Variants in TAFA3 observed in about 807,000 individuals in gnomAD.
The protein encoded by TAFA3 is TAFA chemokine like family member 3.
Under a neutral mutation model 20.7 loss-of-function variants are expected in TAFA3, and 17 were observed. The ratio of observed to expected loss-of-function variants is 0.82; its 90% CI spans 0.56 to 1.23. The LOEUF (loss-of-function observed/expected upper bound fraction) is 1.23. TAFA3 is among the 50% of genes most tolerant of loss of function. The pLI is 0.00. For synonymous variants in TAFA3, 74 were observed against 71.8 expected (o/e 1.03, Z -0.16); for missense variants, 174 against 172.8 (o/e 1.01, Z -0.04).
rs569508323 is a variant in TAFA3 at position 112,725,965 on chromosome 1, C to T, written c.391-664C>T. On this transcript the variant is annotated intron_variant, in intron 5 of 5. Coordinates refer to ENST00000361886, the MANE Select transcript of TAFA3 (RefSeq NM_182759.3). ...CAACCTGGTCAACATGGTGAAAACC[C>T]GTCTCTACTAAAAATACAAAAATTA... Among the ~76,000 whole-genome samples, 5 of 152,144 alleles carry T rather than the reference C, an allele frequency of 3.3e-5. No individual in the cohort carries two copies. In the East Asian group the frequency reaches 5.8e-4, roughly 18 times the overall value.
At chr1:112,726,322 G>A (rs1022263737) in intron 5 of TAFA3, among the ~76,000 whole-genome samples, 1 of 152,176 alleles carries the variant, frequency 6.6e-6, no homozygotes, top group African/African-American at 2.4e-5. Flanking sequence ...GTATATTTAA[G>A]ATCAGAAGAG....
rs752295509 is a variant in TAFA3 at position 112,719,199 on chromosome 1, C to T, written c.-160C>T. ...GACTAGACAGCACCCAAGCTGGCCG[C>T]TCCCTCCCAAAGTCTGTCTTTCGGA... On this transcript the variant is annotated 5_prime_UTR_variant, in exon 1 of 6. Transcript: ENST00000361886. Among the ~76,000 whole-genome samples, 23 of 152,256 alleles carry T rather than the reference C, an allele frequency of 1.5e-4. No homozygotes were observed. Among genetic ancestry groups the T allele is most frequent in the Non-Finnish European group, 3.1e-4 (21 of 68,044 alleles).
At position 112,724,125 on chromosome 1, in the gene TAFA3, C is replaced by G; in HGVS notation, c.378C>G (p.Val126=). 1.2e-6 allele frequency: 2 copies of G among 1,604,796 alleles called. No homozygotes were observed. The highest frequency in any genetic ancestry group is 1.7e-6 in the Non-Finnish European group (2 of 1,174,922). The change falls in exon 5 of 6, where the codon GTC becomes GTG. Residue 126 remains valine (V), a synonymous_variant. Transcript: ENST00000361886. The part of the protein sequence containing the change: ...SGWSCSSGHK[V]KTTKVTR ...GGAGCTGCAGCAGTGGACACAAAGTCAAAACCACCAAGGTACCCTGGGTGG... is the reference window on the plus strand; with the variant it reads ...GGAGCTGCAGCAGTGGACACAAAGTGAAAACCACCAAGGTACCCTGGGTGG...
chr1:112,724,672 ATAC>A (rs1433491211), intron 5 of TAFA3, among the ~76,000 whole-genome samples: 1 of 148,038 alleles, frequency 6.8e-6, no homozygotes, highest in African/African-American at 2.5e-5. Flanking sequence ...ATTGGGAGAT[ATAC>A]CTAATGCTAG....
At position 112,722,999 on chromosome 1, in the gene TAFA3, T is replaced by C; in HGVS notation, c.116-17T>C. 3 of 1,601,306 alleles carry C rather than the reference T, an allele frequency of 1.9e-6. No homozygotes were observed. Among genetic ancestry groups the C allele is most frequent in the Non-Finnish European group, 2.6e-6 (3 of 1,173,634 alleles). ...GTCGGGCGTGTTGGGCGTCTGATCC[T>C]GGGCGGCTCCCCTCAGTGCTTGTGC... On this transcript the variant is annotated splice_polypyrimidine_tract_variant and intron_variant, in intron 3 of 5. Transcript: ENST00000361886.
chr1:112,723,695 C>T (rs1304981850), intron 4 of TAFA3, among the ~76,000 whole-genome samples: 2 of 152,176 alleles, frequency 1.3e-5, no homozygotes, highest in African/African-American at 4.8e-5. Flanking sequence ...CCCTTGCTCA[C>T]ACACCACAGA....
intron 5 of TAFA3, among the ~76,000 whole-genome samples, chr1:112,725,526 C>T (rs1383700492): frequency 6.6e-6 from 1 of 150,964 alleles, no homozygotes; most frequent in East Asian, 1.9e-4. Flanking sequence ...GTGACCATCC[C>T]CCACCCCCAC....
rs1198472057 is a variant in TAFA3 at position 112,723,119 on chromosome 1, T to C, written c.219T>C (p.Ser73=). ...RSQTVKCSCF[S]GQVAGTTRAK... ...AGACGGTGAAATGCTCCTGTTTTTC[T>C]GGCCAGGTGGCCGGCACCACGCGGG... Residue 73 remains serine, a synonymous_variant, in exon 4 of 6, where the codon TCT becomes TCC. Transcript: ENST00000361886. 6.2e-7 allele frequency: 1 copy of C among 1,613,354 alleles called. No individual in the cohort carries two copies. Among genetic ancestry groups the C allele is most frequent in the Non-Finnish European group, 8.5e-7 (1 of 1,179,850 alleles).
rs1246679957 is a variant in TAFA3 at position 112,724,044 on chromosome 1, G to C, written c.297G>C (p.Gln99His). 3.7e-6 allele frequency: 6 copies of C among 1,613,822 alleles called. No homozygotes were observed. The African/African-American group carries it at 8.0e-5, about 22-fold the overall frequency. ...TCGTCCTGCAGAGATGGTGGTGTCA[G>C]ATGGAGCCCTGCCTGCCGGGGGAGG... ...ASIVLQRWWC[Q>H]MEPCLPGEEC... Residue 99 changes from glutamine (Q) to histidine (H), a missense_variant, in exon 5 of 6, where the codon CAG becomes CAC. By Grantham distance (24) the Gln-to-His change is conservative. Transcript: ENST00000361886.
intron 3 of TAFA3, 23 bp downstream of exon 3, chr1:112,722,371 C>G (rs545159766): frequency 2.5e-6 from 4 of 1,601,388 alleles, no homozygotes; most frequent in South Asian, 1.1e-5. Context: ...TGGCAGGGCC[C>G]GGGGAGGGAG....
In TAFA3 at chr1:112,724,109, G is replaced by A; in HGVS notation, c.362G>A (p.Ser121Asn). The A allele has an allele frequency of 6.2e-7, 1 of 1,611,226 alleles. No individual in the cohort carries two copies. Among genetic ancestry groups the A allele is most frequent in the Non-Finnish European group, 8.5e-7 (1 of 1,178,816 alleles). Reference protein sequence around the residue: ...VLPDLSGWSCSSGHKVKTTKV... With the variant: ...VLPDLSGWSCNSGHKVKTTKV... ...CCGGACCTGTCGGGATGGAGCTGCA[G>A]CAGTGGACACAAAGTCAAAACCACC... The change falls in exon 5 of 6, where the codon AGC becomes AAC. Residue 121 changes from serine to asparagine, a missense_variant. Coordinates refer to ENST00000361886, the MANE Select transcript of TAFA3 (RefSeq NM_182759.3).
At chr1:112,719,880 C>T (rs1675286292) in intron 1 of TAFA3, among the ~76,000 whole-genome samples, 1 of 152,160 alleles carries the variant, frequency 6.6e-6, no homozygotes, top group Non-Finnish European at 1.5e-5. Flanking sequence ...CCAGATTCCC[C>T]TTATGCTCTC....
intron 5 of TAFA3, among the ~76,000 whole-genome samples, chr1:112,725,405 A>AAC (rs1553192309): frequency 0.1 from 14,267 of 141,454 alleles, 913 homozygotes; most frequent in Non-Finnish European, 0.13. Context: ...TAAAAAAAAA[A>AAC]AAAAAAAAAA....
At chr1:112,721,398 A>G (rs1212693428) in intron 2 of TAFA3, among the ~76,000 whole-genome samples, 1 of 152,192 alleles carries the variant, frequency 6.6e-6, no homozygotes, top group Non-Finnish European at 1.5e-5. Flanking sequence ...GTCATAGATC[A>G]CTGCAGCCTC....
chr1:112,724,111 A>G lies in TAFA3; in HGVS notation c.364A>G (p.Ser122Gly). The G allele has an allele frequency of 6.2e-7, 1 of 1,610,464 alleles. No individual in the cohort carries two copies. Among genetic ancestry groups the G allele is most frequent in the Non-Finnish European group, 8.5e-7 (1 of 1,178,282 alleles). ...LPDLSGWSCS[S>G]GHKVKTTKVT... The stretch of plus-strand genomic sequence containing the variant: ...GGACCTGTCGGGATGGAGCTGCAGC[A>G]GTGGACACAAAGTCAAAACCACCAA... Residue 122 changes from serine (S) to glycine (G), a missense_variant, in exon 5 of 6, where the codon AGT becomes GGT. Ser to Gly is a moderately conservative substitution (Grantham distance 56, BLOSUM62 0). Transcript: ENST00000361886.
At chr1:112,719,628 T>C (rs1307536893) in intron 1 of TAFA3, among the ~76,000 whole-genome samples, 2 of 151,878 alleles carry the variant, frequency 1.3e-5, no homozygotes, top group Non-Finnish European at 2.9e-5. Context: ...CACCAAGGTC[T>C]TTTGGGCCTT....
intron 4 of TAFA3, 176 bp from the exon 5 acceptor site, chr1:112,723,837 G>A: frequency 8.0e-7 from 1 of 1,257,862 alleles, no homozygotes; most frequent in Non-Finnish European, 1.1e-6. Context: ...TACGTCCCCA[G>A]GCCTCAGGCT....
At chr1:112,725,991 GC>G (rs1410907578) in intron 5 of TAFA3, among the ~76,000 whole-genome samples, 2 of 152,162 alleles carry the variant, frequency 1.3e-5, no homozygotes, top group Non-Finnish European at 2.9e-5. Flanking sequence ...ACAAAAATTA[GC>G]TGGGCATAAT....
intron 1 of TAFA3, 62 bp from the exon 2 acceptor site, chr1:112,720,515 T>G (rs1675303871): frequency 6.6e-6 from 1 of 152,378 alleles, no homozygotes; most frequent in Non-Finnish European, 1.5e-5. Flanking sequence ...CTTCACCCCC[T>G]GCAGAGCCAT....
Sources: allele counts gnomAD v4.1 joint callset (sites outside exome capture counted in the v4.1 genomes callset), GRCh38; gene constraint gnomAD v4.1.1; transcripts MANE v1.5; gene names NCBI Gene and HGNC (gene_info 2026-07-23, HGNC 2026-07-21).